The following MARS2 variants were observed in gnomAD, a reference collection of about 807,000 sequenced individuals.
MARS2 encodes methionine--tRNA ligase, mitochondrial.
In MARS2, 33 loss-of-function variants were observed where a neutral mutation model predicts 43.8. The observed-to-expected ratio is 0.75, with a 90% CI of 0.57 to 1.01. The LOEUF is 1.01. Ranked by LOEUF, MARS2 falls within the 50% of genes least tolerant of loss-of-function variation. MARS2 has a pLI of 0.00. For missense variants in MARS2, 720 were observed against 763.0 expected, an observed-to-expected ratio of 0.94 and a Z score of 0.66; for synonymous variants, 351 against 325.5, an observed-to-expected ratio of 1.08 and a Z score of -0.84.
In MARS2 at chr2:197,705,388, T is replaced by C; in HGVS notation, c.-18T>C. On this transcript the variant is annotated 5_prime_UTR_variant, in exon 1 of 1. Transcript: ENST00000282276. ...GCTGTCAGAACGCCGCCTCCTCCGCTTGCGGCCGGTCTGCACCATGCTGCG... is the reference window on the plus strand; with the variant it reads ...GCTGTCAGAACGCCGCCTCCTCCGCCTGCGGCCGGTCTGCACCATGCTGCG... 1.9e-6 allele frequency: 3 copies of C among 1,564,768 alleles called. No individual in the cohort carries two copies. The highest frequency in any genetic ancestry group is 2.2e-4 in the Middle Eastern group (1 of 4,488).
rs1443562673 is a variant in MARS2, at chr2:197,705,637, C to T, written c.232C>T (p.Leu78Phe). The change falls in exon 1 of 1, where the codon CTC becomes TTC. Residue 78 changes from leucine (L) to phenylalanine (F), a missense_variant. Leu to Phe is a conservative substitution (Grantham distance 22, BLOSUM62 0). Transcript: ENST00000282276. ...GGACGCCCTATGCCGCCACCGTCGCCTCCGAGGTCCCAGCACGGCCGCCAC... is the reference window on the plus strand; with the variant it reads ...GGACGCCCTATGCCGCCACCGTCGCTTCCGAGGTCCCAGCACGGCCGCCAC... Reference protein sequence around the residue: ...LADALCRHRRLRGPSTAATRF... With the variant: ...LADALCRHRRFRGPSTAATRF... 6.2e-7 allele frequency: 1 copy of T among 1,611,772 alleles called. No individual in the cohort carries two copies. The highest frequency in any genetic ancestry group is 1.3e-5 in the African/African-American group (1 of 74,946).
chr2:197,706,626 GA>G lies in MARS2; in HGVS notation c.1223del (p.Asn408ThrfsTer8), dbSNP rs750950108. On this transcript the variant is annotated frameshift_variant, in exon 1 of 1. Coordinates refer to ENST00000282276, the MANE Select transcript of MARS2 (RefSeq NM_138395.4). LOFTEE classifies it high-confidence loss of function. ...TGGCAGATGCCTTGGGAGGTCTCTTGAACCGATGCACTGCCAAAAGAATAAA... is the reference window on the plus strand; with the variant it reads ...TGGCAGATGCCTTGGGAGGTCTCTTGACCGATGCACTGCCAAAAGAATAAA... ...ELADALGGLL[N>X]RCTAKRINPS... 4 of 1,614,214 alleles carry G rather than the reference GA, an allele frequency of 2.5e-6. No homozygotes were observed. Among genetic ancestry groups the G allele is most frequent in the Non-Finnish European group, 2.5e-6 (3 of 1,180,044 alleles).
Position 197,707,020 on chromosome 2 carries a change from C to T in MARS2, c.1615C>T (p.Leu539=), listed in dbSNP as rs114183325. The T allele has an allele frequency of 4.6e-4, 736 of 1,614,148 alleles. 5 individuals are homozygous for T. In the African/African-American group the frequency reaches 8.8e-3, roughly 19 times the overall value. ...CCTAGCTGACAAGCTGCTGTCTAGG[C>T]TGGGGGTCTCTGCCTCAGAGAGGAG... ...PSLADKLLSR[L]GVSASERSLG... Residue 539 remains leucine (L), a synonymous_variant, in exon 1 of 1, where the codon CTG becomes TTG. Transcript: ENST00000282276.
In MARS2 at chr2:197,706,172, C is replaced by A; in HGVS notation, c.767C>A (p.Ser256Tyr). 6.2e-7 allele frequency: 1 copy of A among 1,614,226 alleles called. No individual in the cohort carries two copies. Among genetic ancestry groups the A allele is most frequent in the Non-Finnish European group, 8.5e-7 (1 of 1,180,040 alleles). Reference sequence around the variant, plus strand: ...GAGGAGCTGCCCGACCTGTCCGTGTCTCGCAGAAGTAGCCACTTGCACTGG... The same window carrying A: ...GAGGAGCTGCCCGACCTGTCCGTGTATCGCAGAAGTAGCCACTTGCACTGG... ...LDEELPDLSV[S>Y]RRSSHLHWGI... The change falls in exon 1 of 1, where the codon TCT becomes TAT. Residue 256 changes from serine (S) to tyrosine (Y), a missense_variant. Ser to Tyr is a moderately radical substitution (Grantham distance 144). Coordinates refer to ENST00000282276, the MANE Select transcript of MARS2 (RefSeq NM_138395.4).
chr2:197,706,356 C>T lies in MARS2; in HGVS notation c.951C>T (p.Ala317=), dbSNP rs2089475502. The T allele has an allele frequency of 3.7e-6, 6 of 1,614,246 alleles. No homozygotes were observed. Among genetic ancestry groups the T allele is most frequent in the Non-Finnish European group, 5.1e-6 (6 of 1,180,052 alleles). ...GTAAGGACATTCTCAAATTCCATGC[C>T]ATCTATTGGCCTGCCTTCCTGTTAG... ...IIGKDILKFH[A]IYWPAFLLGA... The change falls in exon 1 of 1, where the codon GCC becomes GCT. Residue 317 remains alanine, a synonymous_variant. Coordinates refer to ENST00000282276, the MANE Select transcript of MARS2 (RefSeq NM_138395.4).
rs2089485318 is a variant in MARS2, at chr2:197,707,368, C to G, written c.*181C>G. ...CCTGCTCCTATTCATTTCTCTGTGA[C>G]CATTGATCACTGTCCTTTGTGCATT... On this transcript the variant is annotated 3_prime_UTR_variant, in exon 1 of 1. Transcript: ENST00000282276. The G allele has an allele frequency of 1.6e-6, 1 of 609,340 alleles. No individual in the cohort carries two copies. The highest frequency in any genetic ancestry group is 3.0e-5 in the Admixed American group (1 of 32,864). 37.7% of individuals were successfully genotyped at this position (609,340 alleles called of 1,614,324 possible). A position where few individuals can be genotyped will look rare whatever the true frequency, so the allele number is the denominator to read the frequency against.
chr2:197,706,227 G>A lies in MARS2; in HGVS notation c.822G>A (p.Gln274=). Residue 274 remains glutamine, a synonymous_variant, in exon 1 of 1, where the codon CAG becomes CAA. Coordinates refer to ENST00000282276, the MANE Select transcript of MARS2 (RefSeq NM_138395.4). ...WGIPVPGDDS[Q]TIYVWLDALV... ...TTCCGGTGCCCGGGGATGATTCGCA[G>A]ACCATCTATGTATGGCTGGATGCCC... 1 of 1,614,260 alleles carries A rather than the reference G, an allele frequency of 6.2e-7. No individual in the cohort carries two copies. Among genetic ancestry groups the A allele is most frequent in the Non-Finnish European group, 8.5e-7 (1 of 1,180,046 alleles).
At position 197,705,435 on chromosome 2, in the gene MARS2, A is replaced by G. The variant is rs2089465204; in HGVS notation, c.30A>G (p.Leu10=). 4 of 1,611,904 alleles carry G rather than the reference A, an allele frequency of 2.5e-6. No homozygotes were observed. Among genetic ancestry groups the G allele is most frequent in the Admixed American group, 1.7e-5 (1 of 59,968 alleles). Residue 10 remains leucine, a synonymous_variant, in exon 1 of 1, where the codon CTA becomes CTG. Transcript: ENST00000282276. MLRTSVLRL[L]GRTGASRLSL... ...TGCGAACGTCCGTCCTCCGCCTGCT[A>G]GGACGCACGGGGGCTAGTAGGCTGT... is the stretch of plus-strand genomic sequence containing the variant.
rs186270794 is a variant in MARS2 at position 197,706,557 on chromosome 2, T to C, written c.1152T>C (p.Cys384=). The change falls in exon 1 of 1, where the codon TGT becomes TGC. Residue 384 remains cysteine, a synonymous_variant. Transcript: ENST00000282276. ...GGCAGGGCGTCCCCAACTGGGACTG[T>C]GACTACTATGATGAAAAGGTGGTTA... ...LLRQGVPNWD[C]DYYDEKVVKL... 1.1e-5 allele frequency: 17 copies of C among 1,614,128 alleles called. No homozygotes were observed. Among genetic ancestry groups the C allele is most frequent in the Non-Finnish European group, 1.4e-5 (17 of 1,180,054 alleles).
chr2:197,705,443 C>T lies in MARS2; in HGVS notation c.38C>T (p.Thr13Met), dbSNP rs752147959. The change falls in exon 1 of 1, where the codon ACG (threonine) becomes ATG (methionine). Residue 13 changes from threonine (T) to methionine (M), a missense_variant. Thr to Met is a moderately conservative substitution (Grantham distance 81). Coordinates refer to ENST00000282276, the MANE Select transcript of MARS2 (RefSeq NM_138395.4). The stretch of plus-strand genomic sequence containing the variant: ...TCCGTCCTCCGCCTGCTAGGACGCA[C>T]GGGGGCTAGTAGGCTGTCTCTCCTG... The part of the protein sequence containing the change: ...RTSVLRLLGR[T>M]GASRLSLLED... The T allele has an allele frequency of 8.7e-5, 140 of 1,612,130 alleles. No homozygotes were observed. The highest frequency in any genetic ancestry group is 1.1e-4 in the Non-Finnish European group (133 of 1,179,762).
chr2:197,707,175 C>G lies in MARS2; in HGVS notation c.1770C>G (p.Ala590=). 1 of 1,610,542 alleles carries G rather than the reference C, an allele frequency of 6.2e-7. No individual in the cohort carries two copies. Among genetic ancestry groups the G allele is most frequent in the Non-Finnish European group, 8.5e-7 (1 of 1,178,320 alleles). ...AGTCCAGGACTTGGCTGGTGAAAGCCCACCGGACCTAGAAACTCAGTTCTT... is the reference window on the plus strand; with the variant it reads ...AGTCCAGGACTTGGCTGGTGAAAGCGCACCGGACCTAGAAACTCAGTTCTT... ...LDQSRTWLVK[A]HRT The change falls in exon 1 of 1, where the codon GCC becomes GCG. Residue 590 remains alanine (A), a synonymous_variant. Coordinates refer to ENST00000282276, the MANE Select transcript of MARS2 (RefSeq NM_138395.4).
rs1275689235 is a variant in MARS2, at chr2:197,705,944, C to A, written c.539C>A (p.Ala180Asp). The A allele has an allele frequency of 6.2e-7, 1 of 1,613,908 alleles. No individual in the cohort carries two copies. The highest frequency in any genetic ancestry group is 1.7e-5 in the Admixed American group (1 of 59,978). ...TCCGACGAGTGCTTCCTGCCTGAGG[C>A]CAAGGTCACCCAGCAGCCGGGCCCA... is the stretch of plus-strand genomic sequence containing the variant. ...CASDECFLPE[A>D]KVTQQPGPSG... Residue 180 changes from alanine (A) to aspartate (D), a missense_variant, in exon 1 of 1, where the codon GCC becomes GAC. By Grantham distance (126) the Ala-to-Asp change is moderately radical. Transcript: ENST00000282276.
Position 197,705,674 on chromosome 2 carries a change from C to T in MARS2, c.269C>T (p.Thr90Ile), listed in dbSNP as rs571831204. 6.2e-7 allele frequency: 1 copy of T among 1,611,288 alleles called. No homozygotes were observed. The highest frequency in any genetic ancestry group is 1.1e-5 in the South Asian group (1 of 91,084). The change falls in exon 1 of 1, where the codon ACT (threonine) becomes ATT (isoleucine). Residue 90 changes from threonine to isoleucine, a missense_variant. Thr to Ile is a moderately conservative substitution (Grantham distance 89). Transcript: ENST00000282276. ...GPSTAATRFS[T>I]GTDEHGLKIQ... ...AGCACGGCCGCCACGCGATTCTCCA[C>T]TGGTACCGACGAGCACGGGCTGAAG...
Position 197,707,239 on chromosome 2 carries a change from A to AT in MARS2, c.*58dup. Reference sequence around the variant, plus strand: ...AAAAAAGCAAATGTGTTATCTTTTTATTTTTTATTTTCAGGAAAGTTATAC... The same window carrying AT: ...AAAAAAGCAAATGTGTTATCTTTTTATTTTTTTATTTTCAGGAAAGTTATAC... On this transcript the variant is annotated 3_prime_UTR_variant, in exon 1 of 1. Coordinates refer to ENST00000282276, the MANE Select transcript of MARS2 (RefSeq NM_138395.4). 1 of 1,484,320 alleles carries AT rather than the reference A, an allele frequency of 6.7e-7. No individual in the cohort carries two copies. Among genetic ancestry groups the AT allele is most frequent in the Non-Finnish European group, 9.1e-7 (1 of 1,098,344 alleles). 91.9% of individuals were successfully genotyped at this position (1,484,320 alleles called of 1,614,324 possible). A position where few individuals can be genotyped will look rare whatever the true frequency, so the allele number is the denominator to read the frequency against.
chr2:197,706,646 G>T lies in MARS2; in HGVS notation c.1241G>T (p.Arg414Ile), dbSNP rs150065792. ...CTCTTGAACCGATGCACTGCCAAAA[G>T]AATAAATCCTTCTGAGACCTACCCA... Reference protein sequence around the residue: ...GGLLNRCTAKRINPSETYPAF... With the variant: ...GGLLNRCTAKIINPSETYPAF... The change falls in exon 1 of 1, where the codon AGA becomes ATA. Residue 414 changes from arginine (R) to isoleucine (I), a missense_variant. Arg to Ile is a moderately conservative substitution (Grantham distance 97). Transcript: ENST00000282276. The T allele has an allele frequency of 2.8e-4, 455 of 1,614,072 alleles. No homozygotes were observed. The highest frequency in any genetic ancestry group is 3.7e-4 in the Admixed American group (22 of 60,004).
rs2089480462 is a variant in MARS2, at chr2:197,706,806, T to C, written c.1401T>C (p.Phe467=). The stretch of plus-strand genomic sequence containing the variant: ...AGGTAGCAGACCACTATGATAACTT[T>C]CGGATATATAAGGCTCTGGAGGCCG... ...PKQVADHYDN[F]RIYKALEAVS... Residue 467 remains phenylalanine (F), a synonymous_variant, in exon 1 of 1, where the codon TTT becomes TTC. Coordinates refer to ENST00000282276, the MANE Select transcript of MARS2 (RefSeq NM_138395.4). 1.2e-6 allele frequency: 2 copies of C among 1,614,086 alleles called. No individual in the cohort carries two copies. Among genetic ancestry groups the C allele is most frequent in the Non-Finnish European group, 1.7e-6 (2 of 1,180,028 alleles).
rs770510002 is a variant in MARS2, at chr2:197,705,477, C to T, written c.72C>T (p.Phe24=). ...GTAGGCTGTCTCTCCTGGAGGACTTCGGCCCACGCTACTACAGTTCGGGCT... is the reference window on the plus strand; with the variant it reads ...GTAGGCTGTCTCTCCTGGAGGACTTTGGCCCACGCTACTACAGTTCGGGCT... The part of the protein sequence containing the change: ...GASRLSLLED[F]GPRYYSSGSL... The change falls in exon 1 of 1, where the codon TTC becomes TTT. Residue 24 remains phenylalanine (F), a synonymous_variant. Transcript: ENST00000282276. 4 of 1,613,068 alleles carry T rather than the reference C, an allele frequency of 2.5e-6. No individual in the cohort carries two copies. The highest frequency in any genetic ancestry group is 1.1e-5 in the South Asian group (1 of 91,072).
rs141544058 is a variant in MARS2 at position 197,706,985 on chromosome 2, T to C, written c.1580T>C (p.Val527Ala). Residue 527 changes from valine (V) to alanine (A), a missense_variant, in exon 1 of 1, where the codon GTC becomes GCC. By Grantham distance (64) the Val-to-Ala change is moderately conservative (BLOSUM62 0). Coordinates refer to ENST00000282276, the MANE Select transcript of MARS2 (RefSeq NM_138395.4). ...GTCTTTGGGACTTTGCTGCAGCCTGTCACCCCAAGCCTAGCTGACAAGCTG... is the reference window on the plus strand; with the variant it reads ...GTCTTTGGGACTTTGCTGCAGCCTGCCACCCCAAGCCTAGCTGACAAGCTG... ...LRVFGTLLQP[V>A]TPSLADKLLS... 3,692 of 1,614,174 alleles carry C rather than the reference T, an allele frequency of 2.3e-3. 138 individuals carry two copies. In the Admixed American group the frequency reaches 0.058, roughly 26 times the overall value.
Position 197,707,147 on chromosome 2 carries a change from A to T in MARS2, c.1742A>T (p.Asp581Val). The T allele has an allele frequency of 6.2e-7, 1 of 1,614,106 alleles. No individual in the cohort carries two copies. The highest frequency in any genetic ancestry group is 1.1e-5 in the South Asian group (1 of 91,080). Residue 581 changes from aspartate (D) to valine (V), a missense_variant, in exon 1 of 1, where the codon GAC becomes GTC. Transcript: ENST00000282276. ...ACTGGGCTTTTGTTTCCAAGACTAG[A>T]CCAGTCCAGGACTTGGCTGGTGAAA... ...PETGLLFPRL[D>V]QSRTWLVKAH...
Sources: allele counts gnomAD v4.1 joint callset, GRCh38; gene constraint gnomAD v4.1.1; transcripts MANE v1.5; gene names NCBI Gene and HGNC (gene_info 2026-07-23, HGNC 2026-07-21).